The following ARHGAP15 variants were observed in gnomAD, a reference collection of about 807,000 sequenced individuals.
ARHGAP15 encodes rho GTPase-activating protein 15.
ARHGAP15 carries 51 observed loss-of-function variants against 63.7 expected under a neutral mutation model. That is an observed-to-expected ratio of 0.80 (90% CI 0.64 to 1.01). ARHGAP15 has a LOEUF of 1.01. ARHGAP15 is among the 50% of genes least tolerant of loss of function. The probability of loss-of-function intolerance (pLI) is 0.00; values close to 1 mark genes in which losing one functional copy is unlikely to be tolerated. For missense variants in ARHGAP15, 560 were observed against 564.6 expected (o/e 0.99, Z 0.08); for synonymous variants, 191 against 193.8 (o/e 0.99, Z 0.12).
In ARHGAP15 at chr2:143,688,929, C is replaced by T. The variant is rs113543418; in HGVS notation, c.1139-14490C>T. On this transcript the variant is annotated intron_variant, in intron 12 of 13. Transcript: ENST00000295095. ...AATATATCAAGATAGTATACCACCT[C>T]GATAATATTTTCTTAGAACCTCACT... is the stretch of plus-strand genomic sequence containing the variant. Among the ~76,000 whole-genome samples the T allele has an allele frequency of 1.2e-3, 187 of 152,162 alleles. 1 individual carries two copies. The highest frequency in any genetic ancestry group is 4.2e-3 in the African/African-American group (176 of 41,524).
chr2:143,470,269 C>A (rs1012512499), intron 8 of ARHGAP15, among the ~76,000 whole-genome samples: 1 of 149,282 alleles, frequency 6.7e-6, no homozygotes, highest in Admixed American at 6.7e-5. Context: ...TACTACAACT[C>A]TTTCTAGGTG....
intron 12 of ARHGAP15, among the ~76,000 whole-genome samples, chr2:143,639,235 A>G (rs1680488179): frequency 6.6e-6 from 1 of 152,174 alleles, no homozygotes; most frequent in Admixed American, 6.6e-5. Context: ...CAAACAGGAC[A>G]CAAATGAATT....
At chr2:143,745,163 A>G (rs928879087) in intron 13 of ARHGAP15, among the ~76,000 whole-genome samples, 1 of 152,222 alleles carries the variant, frequency 6.6e-6, no homozygotes, top group African/African-American at 2.4e-5. Flanking sequence ...ATTCCTTCTC[A>G]TCCAGGAATA....
intron 3 of ARHGAP15, among the ~76,000 whole-genome samples, chr2:143,203,691 A>T (rs769007904): frequency 3.9e-5 from 6 of 152,046 alleles, no homozygotes; most frequent in Non-Finnish European, 8.8e-5. Context: ...TGGCTCTCCA[A>T]TTAGCTGGAG....
rs147613962 is a variant in ARHGAP15 at position 143,768,155 on chromosome 2, G to A, written c.1411G>A (p.Gly471Ser). 146 of 1,613,296 alleles carry A rather than the reference G, an allele frequency of 9.0e-5. 1 individual carries two copies. Among genetic ancestry groups the A allele is most frequent in the African/African-American group, 8.1e-4 (61 of 74,964 alleles). ...GCTGAGTGAGTACAGTAAGATCTTCGGCTCAGAGGAAGACTGACAGACAAG... is the reference window on the plus strand; with the variant it reads ...GCTGAGTGAGTACAGTAAGATCTTCAGCTCAGAGGAAGACTGACAGACAAG... Reference protein sequence around the residue: ...LMLSEYSKIFGSEED With the variant: ...LMLSEYSKIFSSEED The change falls in exon 14 of 14, where the codon GGC (glycine) becomes AGC (serine). Residue 471 changes from glycine to serine, a missense_variant. Transcript: ENST00000295095.
At chr2:143,536,642 C>A (rs562705722) in intron 10 of ARHGAP15, among the ~76,000 whole-genome samples, 1 of 151,366 alleles carries the variant, frequency 6.6e-6, no homozygotes, top group Admixed American at 6.6e-5. Flanking sequence ...TTTGTCCTTG[C>A]AATAGTTTGC....
At chr2:143,565,911 G>T (rs977806151) in intron 11 of ARHGAP15, among the ~76,000 whole-genome samples, 6 of 152,140 alleles carry the variant, frequency 3.9e-5, no homozygotes, top group Admixed American at 2.6e-4. Flanking sequence ...TTTCACACAA[G>T]GATCCCTGTT....
At chr2:143,255,581 A>G (rs1472763256) in intron 6 of ARHGAP15, among the ~76,000 whole-genome samples, 1 of 152,032 alleles carries the variant, frequency 6.6e-6, no homozygotes, top group East Asian at 1.9e-4. Context: ...GTACTACTTA[A>G]GTTTATTAAT....
chr2:143,639,131 T>C (rs1305845806), intron 12 of ARHGAP15, among the ~76,000 whole-genome samples: 2 of 152,070 alleles, frequency 1.3e-5, no homozygotes, highest in African/African-American at 4.8e-5. Context: ...AAAAAAATGA[T>C]TACAAGTGTC....
intron 6 of ARHGAP15, among the ~76,000 whole-genome samples, chr2:143,413,939 G>GGGTAGT (rs1688556619): frequency 1.2e-5 from 1 of 83,454 alleles, no homozygotes; most frequent in Non-Finnish European, 2.4e-5. Context: ...GTGTGTGTGT[G>GGGTAGT]TGTGTGTGTG....
chr2:143,686,416 A>AG (rs1683351280), intron 12 of ARHGAP15, among the ~76,000 whole-genome samples: 1 of 104,262 alleles, frequency 9.6e-6, no homozygotes, highest in African/African-American at 3.1e-5. Context: ...AAAAAAAAAA[A>AG]GCCCTTGCAA....
At chr2:143,438,423 A>G (rs1410749194) in intron 8 of ARHGAP15, among the ~76,000 whole-genome samples, 2 of 152,168 alleles carry the variant, frequency 1.3e-5, no homozygotes, top group Non-Finnish European at 2.9e-5. Context: ...GTGATAACAT[A>G]TTTGCCAAAG....
intron 6 of ARHGAP15, among the ~76,000 whole-genome samples, chr2:143,270,321 G>A (rs927616422): frequency 5.9e-5 from 9 of 152,134 alleles, no homozygotes; most frequent in African/African-American, 2.2e-4. Flanking sequence ...CTTCAACCTT[G>A]TAGACATTTC....
Position 143,231,211 on chromosome 2 carries a change from T to C in ARHGAP15, c.384+2543T>C, listed in dbSNP as rs1326414380. Among the ~76,000 whole-genome samples, 3 of 151,640 alleles carry C rather than the reference T, an allele frequency of 2.0e-5. No individual in the cohort carries two copies. The East Asian group carries it at 5.8e-4, about 29-fold the overall frequency. Reference sequence around the variant, plus strand: ...AATGAAATTAATTGGTAAAAACAAATACATAATGAACAAAAAATTATTGTG... The same window carrying C: ...AATGAAATTAATTGGTAAAAACAAACACATAATGAACAAAAAATTATTGTG... On this transcript the variant is annotated intron_variant, in intron 5 of 13. Transcript: ENST00000295095.
At chr2:143,506,444 G>A (rs1353832562) in intron 9 of ARHGAP15, among the ~76,000 whole-genome samples, 3 of 146,622 alleles carry the variant, frequency 2.0e-5, no homozygotes, top group Admixed American at 6.9e-5. Context: ...TAATTGATAA[G>A]TTTTAACTTC....
At chr2:143,701,644 T>C (rs1377281492) in intron 12 of ARHGAP15, among the ~76,000 whole-genome samples, 1 of 152,210 alleles carries the variant, frequency 6.6e-6, no homozygotes, top group African/African-American at 2.4e-5. Flanking sequence ...GGCAGGAGGA[T>C]AGCTTGAGCC....
intron 6 of ARHGAP15, among the ~76,000 whole-genome samples, chr2:143,286,498 A>G (rs989553497): frequency 1.3e-5 from 2 of 152,208 alleles, no homozygotes; most frequent in Admixed American, 1.3e-4. Flanking sequence ...CTCGAATATG[A>G]AATCATATTC....
intron 12 of ARHGAP15, among the ~76,000 whole-genome samples, chr2:143,663,437 A>T (rs1241142946): frequency 1.5e-4 from 22 of 145,516 alleles, no homozygotes; most frequent in African/African-American, 3.5e-4. Flanking sequence ...GAAAGGAACA[A>T]CCGGTACCAG....
At chr2:143,759,789 C>T (rs533181709) in intron 13 of ARHGAP15, among the ~76,000 whole-genome samples, 1 of 151,894 alleles carries the variant, frequency 6.6e-6, no homozygotes, top group Non-Finnish European at 1.5e-5. Flanking sequence ...GTCTAATACA[C>T]GTAGCACTTC....
Sources: gnomAD v4.1 joint callset for allele counts (sites outside exome capture counted in the v4.1 genomes callset) on GRCh38, gnomAD v4.1.1 for gene constraint, MANE v1.5 for transcripts, NCBI Gene and HGNC (gene_info 2026-07-23, HGNC 2026-07-21) for gene names.